NDST4: variants seen among roughly 807,000 people sequenced by gnomAD.
NDST4 encodes the protein N-deacetylase and N-sulfotransferase 4.
NDST4 carries 63 observed loss-of-function variants against 100.8 expected under a neutral mutation model. The observed-to-expected ratio is 0.62, with a 90% confidence interval of 0.51 to 0.77. NDST4 has a LOEUF of 0.77. Among genes scored for constraint, NDST4 ranks in the 30% least tolerant of loss-of-function variants. The pLI is 0.00. For missense variants in NDST4, 943 were observed against 1,018.4 expected (o/e 0.93, Z 1.01); for synonymous variants, 377 against 361.8 (o/e 1.04, Z -0.48).
chr4:115,091,135 A>T (rs528002928), intron 1 of NDST4, among the ~76,000 whole-genome samples: 79 of 152,228 alleles, frequency 5.2e-4, no homozygotes, highest in African/African-American at 1.8e-3. Context: ...CAATTCATAT[A>T]TATCTAAAAC....
At chr4:114,870,555 A>C (rs1225675314) in intron 7 of NDST4, among the ~76,000 whole-genome samples, 2 of 152,132 alleles carry the variant, frequency 1.3e-5, no homozygotes. Flanking sequence ...CAAGCAACCA[A>C]CCAAACAAAA....
At chr4:115,021,769 T>A (rs1231428726) in intron 2 of NDST4, among the ~76,000 whole-genome samples, 1 of 150,308 alleles carries the variant, frequency 6.7e-6, no homozygotes, top group Non-Finnish European at 1.5e-5. Flanking sequence ...CCCACATCTA[T>A]ACACATTCCA....
intron 2 of NDST4, among the ~76,000 whole-genome samples, chr4:115,074,002 T>C (rs1729130455): frequency 6.6e-6 from 1 of 151,880 alleles, no homozygotes; most frequent in African/African-American, 2.4e-5. Flanking sequence ...GTAAAGAGTA[T>C]TTTCTTCAAA....
chr4:114,850,512 A>T (rs540410536), intron 8 of NDST4, among the ~76,000 whole-genome samples: 1 of 152,090 alleles, frequency 6.6e-6, no homozygotes, highest in East Asian at 1.9e-4. Context: ...TATCACCTAA[A>T]TTTTTCATCT....
chr4:115,098,410 G>A (rs1729663282), intron 1 of NDST4, among the ~76,000 whole-genome samples: 1 of 152,100 alleles, frequency 6.6e-6, no homozygotes, highest in African/African-American at 2.4e-5. Context: ...CCAGCAGGTA[G>A]GAGACCAGTT....
chr4:114,982,083 C>A (rs1227735852), intron 2 of NDST4, among the ~76,000 whole-genome samples: 1 of 152,142 alleles, frequency 6.6e-6, no homozygotes, highest in Non-Finnish European at 1.5e-5. Flanking sequence ...TATAAATGAT[C>A]CAGTCTCAGG....
At chr4:114,959,481 C>T (rs1309849582) in intron 4 of NDST4, among the ~76,000 whole-genome samples, 1 of 152,156 alleles carries the variant, frequency 6.6e-6, no homozygotes, top group Non-Finnish European at 1.5e-5. Flanking sequence ...AAAGGCACAT[C>T]TTACATGGTG....
intron 2 of NDST4, among the ~76,000 whole-genome samples, chr4:115,020,785 A>G (rs1177236137): frequency 3.9e-5 from 6 of 152,152 alleles, no homozygotes; most frequent in Non-Finnish European, 8.8e-5. Flanking sequence ...AAGAAGATAT[A>G]CAAATGGCCA....
At chr4:114,929,127 T>G (rs1455145751) in intron 6 of NDST4, among the ~76,000 whole-genome samples, 3 of 150,914 alleles carry the variant, frequency 2.0e-5, no homozygotes, top group African/African-American at 7.3e-5. Context: ...TATCTATCTA[T>G]CTATCTATCT....
chr4:115,112,570 C>A (rs1463082558), intron 1 of NDST4, among the ~76,000 whole-genome samples: 1 of 151,614 alleles, frequency 6.6e-6, no homozygotes, highest in Non-Finnish European at 1.5e-5. Flanking sequence ...TCATAATAAA[C>A]AAAACATATA....
chr4:114,979,705 TG>T (rs1387702398), intron 2 of NDST4, among the ~76,000 whole-genome samples: 1 of 151,780 alleles, frequency 6.6e-6, no homozygotes, highest in Non-Finnish European at 1.5e-5. Context: ...CAAAGGCAGA[TG>T]GGGGGCTAGT....
rs141492147 is a variant in NDST4, at chr4:114,930,499, C to A, written c.1536+4707G>T. 8.3e-3 allele frequency among the ~76,000 whole-genome samples: 1,262 copies of A among 152,248 alleles called. 14 individuals are homozygous for A. The highest frequency in any genetic ancestry group is 0.024 in the African/African-American group (1,013 of 41,546). On this transcript the variant is annotated intron_variant, in intron 6 of 13. Transcript: ENST00000264363. The stretch of plus-strand genomic sequence containing the variant: ...AGTCAAATTTAGAAGTTTCTATTTT[C>A]ATACAATGTGAGTTTTTATTTATTT...
At chr4:115,048,292 A>G (rs944211901) in intron 2 of NDST4, among the ~76,000 whole-genome samples, 2 of 152,206 alleles carry the variant, frequency 1.3e-5, no homozygotes, top group African/African-American at 4.8e-5. Flanking sequence ...ATTAGTTAGA[A>G]AAACAAGGTT....
chr4:114,940,544 T>G (rs760492675), intron 4 of NDST4, among the ~76,000 whole-genome samples: 1 of 152,112 alleles, frequency 6.6e-6, no homozygotes, highest in Non-Finnish European at 1.5e-5. Flanking sequence ...TGTAGGTGAG[T>G]GAGCAGGTGC....
intron 2 of NDST4, among the ~76,000 whole-genome samples, chr4:115,039,513 T>C (rs1475935235): frequency 6.6e-6 from 1 of 152,088 alleles, no homozygotes; most frequent in African/African-American, 2.4e-5. Context: ...ATATAAAAGA[T>C]GTGTGTGCAT....
At chr4:114,901,827 C>G (rs554234960) in intron 6 of NDST4, among the ~76,000 whole-genome samples, 2 of 151,130 alleles carry the variant, frequency 1.3e-5, no homozygotes, top group Admixed American at 1.3e-4. Flanking sequence ...TTTCTTCTTC[C>G]TTTTTTCTTC....
chr4:114,839,877 C>G (rs1259136018), intron 10 of NDST4, among the ~76,000 whole-genome samples: 1 of 152,068 alleles, frequency 6.6e-6, no homozygotes, highest in Middle Eastern at 3.2e-3. Flanking sequence ...TGGTTAGGTG[C>G]AAGGCAGAGG....
At chr4:114,993,291 A>G (rs890866475) in intron 2 of NDST4, among the ~76,000 whole-genome samples, 1 of 151,946 alleles carries the variant, frequency 6.6e-6, no homozygotes, top group African/African-American at 2.4e-5. Flanking sequence ...GGATTCATCT[A>G]TTTGGACAAT....
intron 2 of NDST4, among the ~76,000 whole-genome samples, chr4:115,021,901 C>T (rs1727836383): frequency 6.8e-6 from 1 of 147,098 alleles, no homozygotes; most frequent in African/African-American, 2.7e-5. Context: ...CAGCTATACA[C>T]ATTCCATATA....
Sources: allele counts gnomAD v4.1 joint callset (sites outside exome capture counted in the v4.1 genomes callset), GRCh38; gene constraint gnomAD v4.1.1; transcripts MANE v1.5; gene names NCBI Gene and HGNC (gene_info 2026-07-23, HGNC 2026-07-21).